Variants in NCOA2 observed in about 807,000 individuals in gnomAD.
NCOA2 encodes class E basic helix-loop-helix protein 75.
Under a neutral mutation model 145.1 loss-of-function variants are expected in NCOA2, and 21 were observed. The ratio of observed to expected loss-of-function variants is 0.14; its 90% confidence interval spans 0.10 to 0.21. The LOEUF is 0.21. Among genes scored for constraint, NCOA2 ranks in the 10% least tolerant of loss-of-function variants. The pLI is 1.00. For synonymous variants in NCOA2, 619 were observed against 637.5 expected (o/e 0.97, Z 0.44); for missense variants, 1,472 against 1,837.6 (o/e 0.80, Z 3.64).
chr8:70,280,197 T>TGGTA, intron 2 of NCOA2, among the ~76,000 whole-genome samples: 1 of 152,320 alleles, frequency 6.6e-6, no homozygotes, highest in East Asian at 1.9e-4. Context: ...CCATAACCCC[T>TGGTA]TGCCTCAGAG....
the NCOA2 span, among the ~76,000 whole-genome samples, chr8:70,436,654 A>G: frequency 2.0e-5 from 3 of 152,242 alleles, no homozygotes; most frequent in African/African-American, 7.2e-5. Flanking sequence ...AGCAGTTTTG[A>G]TTATGAAAAA....
At chr8:70,406,893 A>C (rs967114120), upstream of NCOA2, among the ~76,000 whole-genome samples, 33 of 152,220 alleles carry the variant, frequency 2.2e-4, no homozygotes, top group African/African-American at 7.7e-4. Context: ...GAGCTATAGA[A>C]TATAAGCAAA....
intron 2 of NCOA2, among the ~76,000 whole-genome samples, chr8:70,264,372 G>T (rs1345314497): frequency 1.3e-5 from 2 of 152,086 alleles, no homozygotes; most frequent in Non-Finnish European, 2.9e-5. Context: ...GTACACACCT[G>T]TAGAATCAGC....
the NCOA2 span, among the ~76,000 whole-genome samples, chr8:70,439,201 G>A: frequency 6.6e-6 from 1 of 152,100 alleles, no homozygotes; most frequent in African/African-American, 2.4e-5. Flanking sequence ...AGTTATATAT[G>A]GAGTGCTACT....
the NCOA2 span, among the ~76,000 whole-genome samples, chr8:70,445,805 TTAAC>T: frequency 6.6e-6 from 1 of 152,226 alleles, no homozygotes; most frequent in Non-Finnish European, 1.5e-5. Context: ...TAAAAATCAT[TTAAC>T]TATGCAAGAA....
intron 1 of NCOA2, among the ~76,000 whole-genome samples, chr8:70,397,498 C>T (rs1813785711): frequency 6.6e-6 from 1 of 150,858 alleles, no homozygotes; most frequent in African/African-American, 2.4e-5. Flanking sequence ...CAAGCTACAT[C>T]TAGAAAAACT....
the NCOA2 span, among the ~76,000 whole-genome samples, chr8:70,449,179 T>C: frequency 1.3e-5 from 2 of 152,124 alleles, no homozygotes; most frequent in South Asian, 4.1e-4. Context: ...AACTGAAAAT[T>C]TACAAGTTTC....
chr8:70,112,402 T>C lies in NCOA2; in HGVS notation c.*1230A>G, dbSNP rs1806621151. 1 of 193,532 alleles carries C rather than the reference T, an allele frequency of 5.2e-6. No individual in the cohort carries two copies. The highest frequency in any genetic ancestry group is 2.3e-5 in the African/African-American group (1 of 43,076). 12.0% of individuals were successfully genotyped at this position (193,532 alleles called of 1,614,324 possible). ...AAATTATTGCTTGTTTACATATAAA[T>C]TGGATTTTATGTACCTTACAAAACT... On this transcript the variant is annotated 3_prime_UTR_variant, in exon 23 of 23. Transcript: ENST00000452400.
intron 15 of NCOA2, among the ~76,000 whole-genome samples, chr8:70,135,010 A>G (rs955847154): frequency 5.3e-5 from 8 of 152,106 alleles, no homozygotes; most frequent in Admixed American, 2.0e-4. Context: ...GTGGTTCTTC[A>G]GCTCTCCCAG....
At chr8:70,441,478 C>T in the NCOA2 span, among the ~76,000 whole-genome samples, 1 of 105,824 alleles carries the variant, frequency 9.4e-6, no homozygotes, top group South Asian at 2.9e-4. Context: ...AGAGGGAGAA[C>T]AAGCAAAGAA....
intron 1 of NCOA2, among the ~76,000 whole-genome samples, chr8:70,360,490 G>A (rs753165640): frequency 2.0e-5 from 3 of 152,066 alleles, no homozygotes; most frequent in African/African-American, 4.8e-5. Context: ...CAGCACAGGA[G>A]ATTTTAAAAG....
the NCOA2 span, chr8:70,424,343 TG>T: frequency 2.7e-6 from 1 of 375,896 alleles, no homozygotes; most frequent in Non-Finnish European, 5.2e-6. Context: ...AAGAACCAGT[TG>T]GGGATCTTGA....
intron 4 of NCOA2, among the ~76,000 whole-genome samples, chr8:70,193,214 T>C (rs1431509448): frequency 6.6e-6 from 1 of 152,032 alleles, no homozygotes; most frequent in African/African-American, 2.4e-5. Context: ...ATGCACCACA[T>C]AGATTAAGAA....
chr8:70,364,465 C>T (rs1318625036), intron 1 of NCOA2, among the ~76,000 whole-genome samples: 4 of 152,120 alleles, frequency 2.6e-5, no homozygotes, highest in Admixed American at 1.3e-4. Context: ...ATGTGGCAAA[C>T]TGAAAACAGC....
intron 11 of NCOA2, among the ~76,000 whole-genome samples, chr8:70,149,530 C>T (rs1295520007): frequency 6.6e-6 from 1 of 150,984 alleles, no homozygotes; most frequent in African/African-American, 2.4e-5. Flanking sequence ...AGAGAGCCAC[C>T]GTGCCTGTCT....
At chr8:70,175,064 C>A (rs1035287552) in intron 4 of NCOA2, among the ~76,000 whole-genome samples, 1 of 152,244 alleles carries the variant, frequency 6.6e-6, no homozygotes, top group Non-Finnish European at 1.5e-5. Context: ...CCTCTAGAAC[C>A]TGTGGCTTGG....
chr8:70,121,338 T>C lies in NCOA2; in HGVS notation c.4347A>G (p.Gly1449=), dbSNP rs1331180937. 1.9e-6 allele frequency: 3 copies of C among 1,613,190 alleles called. No individual in the cohort carries two copies. In the South Asian group the frequency reaches 3.3e-5, roughly 18 times the overall value. Reference sequence around the variant, plus strand: ...CTCCCTCCTGCTTAATCATATCCATTCCAGGCAGCTGGTTTGGGAACAGGT... The same window carrying C: ...CTCCCTCCTGCTTAATCATATCCATCCCAGGCAGCTGGTTTGGGAACAGGT... ...GGNLFPNQLP[G]MDMIKQEGDT... is the part of the protein sequence containing the mutation. The change falls in exon 22 of 23, where the codon GGA becomes GGG. Residue 1449 remains glycine (G), a synonymous_variant. Transcript: ENST00000452400.
chr8:70,451,435 A>G, the NCOA2 span, among the ~76,000 whole-genome samples: 1 of 149,820 alleles, frequency 6.7e-6, no homozygotes, highest in African/African-American at 2.4e-5. Flanking sequence ...GGAAACAAAA[A>G]GAAAAAGAGC....
chr8:70,340,454 G>C (rs1477852822), intron 1 of NCOA2, among the ~76,000 whole-genome samples: 1 of 152,198 alleles, frequency 6.6e-6, no homozygotes, highest in Non-Finnish European at 1.5e-5. Flanking sequence ...GCAAATGCTA[G>C]CGAGGTTGCA....
Sources: gnomAD v4.1 joint callset for allele counts (sites outside exome capture counted in the v4.1 genomes callset) on GRCh38, gnomAD v4.1.1 for gene constraint, MANE v1.5 for transcripts, NCBI Gene and HGNC (gene_info 2026-07-23, HGNC 2026-07-21) for gene names.